FBXO11: variants seen among roughly 807,000 people sequenced by gnomAD.
FBXO11 encodes F-box only protein 11.
FBXO11 carries 13 observed loss-of-function variants against 117.0 expected under a neutral mutation model. The observed-to-expected ratio is 0.11, with a 90% CI of 0.07 to 0.18. The LOEUF is 0.18. FBXO11 is among the 10% of genes least tolerant of loss of function. The pLI is 1.00. For missense variants in FBXO11, 767 were observed against 1,164.4 expected, an observed-to-expected ratio of 0.66 and a Z score of 4.97; for synonymous variants, 490 against 380.5, an observed-to-expected ratio of 1.29 and a Z score of -3.35.
At chr2:47,859,637 C>CAAA (rs1674597495) in intron 1 of FBXO11, among the ~76,000 whole-genome samples, 1 of 152,230 alleles carries the variant, frequency 6.6e-6, no homozygotes, top group South Asian at 2.1e-4. Flanking sequence ...TTGCAGCCCT[C>CAAA]AAAGTGTTTT....
intron 14 of FBXO11, among the ~76,000 whole-genome samples, chr2:47,819,926 C>T (rs1671261348): frequency 6.6e-6 from 1 of 152,142 alleles, no homozygotes; most frequent in Non-Finnish European, 1.5e-5. Flanking sequence ...ACGATTAATA[C>T]ACAGGTTTCA....
At chr2:47,901,078 C>T (rs539367569) in intron 1 of FBXO11, among the ~76,000 whole-genome samples, 13 of 126,670 alleles carry the variant, frequency 1.0e-4, no homozygotes, top group Admixed American at 7.7e-4. Flanking sequence ...TATATACACA[C>T]GTGTGTACAT....
chr2:47,874,917 T>C (rs1223416032), intron 1 of FBXO11, among the ~76,000 whole-genome samples: 3 of 151,890 alleles, frequency 2.0e-5, no homozygotes, highest in Non-Finnish European at 4.4e-5. Context: ...CAGGTTCATG[T>C]TGTGAAATAT....
chr2:47,885,375 T>C (rs983883307), intron 1 of FBXO11, among the ~76,000 whole-genome samples: 3 of 152,024 alleles, frequency 2.0e-5, no homozygotes, highest in East Asian at 3.9e-4. Context: ...GAGTAAATCA[T>C]TGAGGTCAGG....
chr2:47,855,590 T>C (rs962610752), intron 1 of FBXO11, among the ~76,000 whole-genome samples: 2 of 152,102 alleles, frequency 1.3e-5, no homozygotes, highest in South Asian at 4.1e-4. Context: ...TCCCAGCACT[T>C]TGGGAGGCCA....
chr2:47,865,451 A>G (rs1477770701), intron 1 of FBXO11, among the ~76,000 whole-genome samples: 3 of 152,210 alleles, frequency 2.0e-5, no homozygotes, highest in Admixed American at 1.3e-4. Flanking sequence ...AGAGTGAACA[A>G]ATAGTTTGAA....
rs114146784 is a variant in FBXO11 at position 47,875,955 on chromosome 2, C to T, written c.232+29534G>A. Among the ~76,000 whole-genome samples the T allele has an allele frequency of 3.9e-3, 590 of 152,274 alleles. 2 individuals are homozygous for T. Among genetic ancestry groups the T allele is most frequent in the Non-Finnish European group, 6.4e-3 (437 of 68,010 alleles). ...AGCAGCAAACATGTATAGAGTAGTA[C>T]TAATCAGTGGCTTTATATGTATTTC... On this transcript the variant is annotated intron_variant, in intron 1 of 22. Transcript: ENST00000403359.
At chr2:47,893,944 G>A (rs1273114263) in intron 1 of FBXO11, among the ~76,000 whole-genome samples, 6 of 152,198 alleles carry the variant, frequency 3.9e-5, no homozygotes, top group Non-Finnish European at 8.8e-5. Flanking sequence ...GCTTTTTGCG[G>A]ATAAGAAAGA....
chr2:47,839,031 C>T (rs1672812607), intron 3 of FBXO11, 28 bp from the exon 4 acceptor site: 1 of 1,579,332 alleles, frequency 6.3e-7, no homozygotes, highest in Non-Finnish European at 8.6e-7. Flanking sequence ...TATAAACTAT[C>T]ATTCGAGCAA....
chr2:47,887,280 C>T (rs1254070905), intron 1 of FBXO11, among the ~76,000 whole-genome samples: 4 of 143,902 alleles, frequency 2.8e-5, no homozygotes, highest in Admixed American at 7.1e-5. Flanking sequence ...AGCGAAACTC[C>T]GTTTCAAAAA....
At chr2:47,886,365 G>C (rs1300714706) in intron 1 of FBXO11, among the ~76,000 whole-genome samples, 1 of 152,154 alleles carries the variant, frequency 6.6e-6, no homozygotes, top group East Asian at 1.9e-4. Context: ...AATTAGCAGG[G>C]CATGGTGGCG....
At position 47,882,887 on chromosome 2, in the gene FBXO11, G is replaced by A. The variant is rs1310107727; in HGVS notation, c.232+22602C>T. Among the ~76,000 whole-genome samples, 5 of 152,098 alleles carry A rather than the reference G, an allele frequency of 3.3e-5. No individual in the cohort carries two copies. In the East Asian group the frequency reaches 5.8e-4, roughly 18 times the overall value. ...TGGTCTCAAACTCCTGAGCTCAAGC[G>A]ATCTCCCTGTCTCAGCCTCCCAAAG... On this transcript the variant is annotated intron_variant, in intron 1 of 22. Coordinates refer to ENST00000403359, the MANE Select transcript of FBXO11 (RefSeq NM_001190274.2).
At chr2:47,848,175 T>C (rs1673569700) in intron 1 of FBXO11, among the ~76,000 whole-genome samples, 1 of 151,700 alleles carries the variant, frequency 6.6e-6, no homozygotes, top group Admixed American at 6.6e-5. Context: ...CACACATATA[T>C]ATCTTTCACT....
intron 1 of FBXO11, among the ~76,000 whole-genome samples, chr2:47,855,272 C>G (rs562167204): frequency 2.6e-5 from 4 of 151,674 alleles, no homozygotes; most frequent in Non-Finnish European, 5.9e-5. Flanking sequence ...ATGATCACAG[C>G]TCACTGCAGC....
At chr2:47,841,473 C>T (rs577365458) in intron 1 of FBXO11, among the ~76,000 whole-genome samples, 1 of 152,208 alleles carries the variant, frequency 6.6e-6, no homozygotes, top group African/African-American at 2.4e-5. Context: ...ATACCACTAC[C>T]TATAAAGTCT....
intron 16 of FBXO11, among the ~76,000 whole-genome samples, chr2:47,817,647 A>T (rs940820116): frequency 2.0e-5 from 3 of 152,190 alleles, no homozygotes; most frequent in Non-Finnish European, 4.4e-5. Flanking sequence ...TTTCACTTCA[A>T]TACTTATAGA....
intron 18 of FBXO11, chr2:47,811,228 T>C (rs1333360612): frequency 1.3e-5 from 2 of 152,218 alleles, no homozygotes; most frequent in African/African-American, 4.8e-5. Context: ...ATATACACTG[T>C]TGCTTTTTAA....
chr2:47,825,571 C>CT (rs751404253), intron 11 of FBXO11, among the ~76,000 whole-genome samples: 3,930 of 88,280 alleles, frequency 0.045, 250 homozygotes, highest in African/African-American at 0.1. Flanking sequence ...TCTTCTTCTT[C>CT]TTTTTTTTTT....
chr2:47,807,746 C>A lies in FBXO11; in HGVS notation c.*372G>T, dbSNP rs1363936304. 8.2e-6 allele frequency: 2 copies of A among 244,852 alleles called. No individual in the cohort carries two copies. Among genetic ancestry groups the A allele is most frequent in the Non-Finnish European group, 1.6e-5 (2 of 124,548 alleles). 15.2% of individuals were successfully genotyped at this position (244,852 alleles called of 1,614,324 possible). On this transcript the variant is annotated 3_prime_UTR_variant, in exon 23 of 23. Transcript: ENST00000403359. ...TTACAAAAGCAATTGGTACCCATGT[C>A]CATAAAGGCAGCAACAAAGCTGCTT...
Sources: allele counts gnomAD v4.1 joint callset (sites outside exome capture counted in the v4.1 genomes callset), GRCh38; gene constraint gnomAD v4.1.1; transcripts MANE v1.5; gene names NCBI Gene and HGNC (gene_info 2026-07-23, HGNC 2026-07-21).